Variants in RHBDD1 observed in about 807,000 individuals in gnomAD.
The protein encoded by RHBDD1 is rhomboid domain containing 1.
In RHBDD1, 38 loss-of-function variants were observed where a neutral mutation model predicts 36.3. The observed-to-expected ratio is 1.05, with a 90% CI of 0.81 to 1.37. The LOEUF (loss-of-function observed/expected upper bound fraction) is 1.37. Ranked by LOEUF, RHBDD1 falls within the 40% of genes most tolerant of loss-of-function variation. The pLI, the probability that RHBDD1 is intolerant of heterozygous loss-of-function variation, is 0.00. For synonymous variants in RHBDD1, 151 were observed against 136.5 expected, an observed-to-expected ratio of 1.11 and a Z score of -0.74; for missense variants, 393 against 377.6, an observed-to-expected ratio of 1.04 and a Z score of -0.34.
the RHBDD1 span, among the ~76,000 whole-genome samples, chr2:226,803,544 T>C: frequency 2.0e-5 from 3 of 152,094 alleles, no homozygotes; most frequent in Non-Finnish European, 4.4e-5. Flanking sequence ...GATTTAGATA[T>C]CAAAGACATG....
At chr2:226,985,270 G>T (rs535028662) in intron 8 of RHBDD1, among the ~76,000 whole-genome samples, 3 of 152,238 alleles carry the variant, frequency 2.0e-5, no homozygotes, top group African/African-American at 7.2e-5. Context: ...ATCTCTCCCA[G>T]TGCCTTGTCA....
At chr2:226,819,448 A>C in the RHBDD1 span, among the ~76,000 whole-genome samples, 2 of 152,224 alleles carry the variant, frequency 1.3e-5, no homozygotes, top group Non-Finnish European at 2.9e-5. Flanking sequence ...CATTTACAAA[A>C]ATTTAACCAT....
chr2:226,881,282 G>A (rs1386825603), intron 5 of RHBDD1, among the ~76,000 whole-genome samples: 1 of 152,056 alleles, frequency 6.6e-6, no homozygotes, highest in Non-Finnish European at 1.5e-5. Context: ...ATTTGGGTGG[G>A]GACACAAAGC....
Position 226,983,203 on chromosome 2 carries a change from C to A in RHBDD1, c.857-12228C>A, listed in dbSNP as rs916088569. On this transcript the variant is annotated intron_variant, in intron 8 of 8. Transcript: ENST00000392062. ...GTTAAAAAATGCACATTTCTGGGTC[C>A]CCCAACAGACATTGATCTGGAATCT... Among the ~76,000 whole-genome samples the A allele has an allele frequency of 6.4e-4, 98 of 152,228 alleles. 1 individual carries two copies. Among genetic ancestry groups the A allele is most frequent in the Non-Finnish European group, 1.6e-4 (11 of 68,014 alleles).
intron 8 of RHBDD1, among the ~76,000 whole-genome samples, chr2:226,974,598 G>A (rs1023664644): frequency 1.3e-5 from 2 of 152,062 alleles, no homozygotes; most frequent in Non-Finnish European, 2.9e-5. Flanking sequence ...TCACTTTTTC[G>A]TTGAACAAGG....
intron 3 of RHBDD1, 41 bp downstream of exon 3, chr2:226,839,668 A>G (rs942100937): frequency 1.3e-5 from 2 of 152,088 alleles, no homozygotes; most frequent in Non-Finnish European, 2.9e-5. Flanking sequence ...ACAATTTCCA[A>G]GGTTGTCAGC....
intron 7 of RHBDD1, among the ~76,000 whole-genome samples, chr2:226,910,037 G>C (rs192619730): frequency 4.6e-5 from 7 of 152,302 alleles, no homozygotes; most frequent in Admixed American, 2.6e-4. Context: ...AAACAAGTGG[G>C]TATAGGTGTG....
intron 8 of RHBDD1, among the ~76,000 whole-genome samples, chr2:226,967,877 A>G (rs1952769295): frequency 6.6e-6 from 1 of 152,086 alleles, no homozygotes; most frequent in Non-Finnish European, 1.5e-5. Context: ...CCCTGCAGGC[A>G]CAGGACTGTC....
At chr2:226,949,325 C>T (rs1951252350) in intron 8 of RHBDD1, among the ~76,000 whole-genome samples, 1 of 152,120 alleles carries the variant, frequency 6.6e-6, no homozygotes, top group Admixed American at 6.5e-5. Context: ...CAATCCTAAG[C>T]AAAAATCTGG....
At chr2:226,978,434 G>A (rs2149400038) in intron 8 of RHBDD1, among the ~76,000 whole-genome samples, 1 of 152,256 alleles carries the variant, frequency 6.6e-6, no homozygotes, top group South Asian at 2.1e-4. Context: ...AGAGTGCTGG[G>A]CTTGGATCTG....
the RHBDD1 span, chr2:226,804,368 C>T: frequency 6.6e-6 from 1 of 151,938 alleles, no homozygotes; most frequent in Admixed American, 6.6e-5. Context: ...GGCTTAAACA[C>T]AAAGAAAAAA....
intron 5 of RHBDD1, among the ~76,000 whole-genome samples, chr2:226,872,253 A>G (rs1024788264): frequency 1.3e-5 from 2 of 152,204 alleles, no homozygotes; most frequent in African/African-American, 4.8e-5. Context: ...AGAAAGGGAA[A>G]GACAGTTCAT....
At chr2:226,937,950 G>A (rs1195221358) in intron 8 of RHBDD1, among the ~76,000 whole-genome samples, 2 of 152,126 alleles carry the variant, frequency 1.3e-5, no homozygotes, top group African/African-American at 4.8e-5. Context: ...TCCTATGGGT[G>A]TATACCCAGT....
chr2:226,850,626 A>G (rs563760853), intron 3 of RHBDD1, among the ~76,000 whole-genome samples: 15 of 152,210 alleles, frequency 9.9e-5, no homozygotes, highest in African/African-American at 3.4e-4. Context: ...GGTGGTGTCT[A>G]TAGGCAAGAT....
intron 8 of RHBDD1, among the ~76,000 whole-genome samples, chr2:226,985,771 G>A (rs1956799394): frequency 6.6e-6 from 1 of 152,230 alleles, no homozygotes; most frequent in Non-Finnish European, 1.5e-5. Flanking sequence ...GGAATGAGGG[G>A]TGCAGAACCC....
chr2:226,816,146 G>C, the RHBDD1 span, among the ~76,000 whole-genome samples: 1 of 152,086 alleles, frequency 6.6e-6, no homozygotes, highest in East Asian at 1.9e-4. Flanking sequence ...GTCAGGAGCT[G>C]ATGTTCTTTT....
intron 8 of RHBDD1, among the ~76,000 whole-genome samples, chr2:226,992,258 A>G (rs929064150): frequency 1.3e-5 from 2 of 152,226 alleles, no homozygotes; most frequent in African/African-American, 2.4e-5. Flanking sequence ...CAGAGCACAC[A>G]CACAGTAGTC....
chr2:226,979,888 A>G (rs1343250015), intron 8 of RHBDD1, among the ~76,000 whole-genome samples: 1 of 152,248 alleles, frequency 6.6e-6, no homozygotes, highest in Admixed American at 6.5e-5. Flanking sequence ...TGACTCAAAC[A>G]TAGTTGGTGA....
At chr2:226,855,938 T>TAA (rs1943277074) in intron 3 of RHBDD1, among the ~76,000 whole-genome samples, 1 of 152,202 alleles carries the variant, frequency 6.6e-6, no homozygotes, top group Admixed American at 6.5e-5. Context: ...CAGAGATCCC[T>TAA]ACTCTAATTC....
Sources: gnomAD v4.1 joint callset for allele counts (sites outside exome capture counted in the v4.1 genomes callset) on GRCh38, gnomAD v4.1.1 for gene constraint, MANE v1.5 for transcripts, NCBI Gene and HGNC (gene_info 2026-07-23, HGNC 2026-07-21) for gene names.